Variants in ACOT7 observed in about 807,000 individuals in gnomAD.
ACOT7 encodes acyl-CoA thioesterase 7, also known as cytosolic acyl coenzyme A thioester hydrolase.
A neutral mutation model predicts 40.2 loss-of-function variants in ACOT7; 12 were observed. The observed-to-expected ratio is 0.30, with a 90% CI of 0.19 to 0.48. The LOEUF (loss-of-function observed/expected upper bound fraction) is 0.48, where lower values mean the gene tolerates loss of function less well. Among genes scored for constraint, ACOT7 ranks in the 20% least tolerant of loss-of-function variants. The pLI is 0.99. For missense variants in ACOT7, 395 were observed against 530.8 expected (o/e 0.74, Z 2.51); for synonymous variants, 228 against 219.5 (o/e 1.04, Z -0.34).
chr1:6,358,859 T>C lies in ACOT7; in HGVS notation c.144-8993A>G. The stretch of plus-strand genomic sequence containing the variant: ...CTGGAAAGCCATGGTGGCTAGGACA[T>C]CCCAGGATCAGATGCAGAGAAAGGC... On this transcript the variant is annotated intron_variant, in intron 1 of 8. Transcript: ENST00000361521. This position sits in a 1 kb window ranked among gnomAD's most constrained non-coding sequence, Gnocchi z 4.1. 1 of 1,613,672 alleles carries C rather than the reference T, an allele frequency of 6.2e-7. No homozygotes were observed.
intron 1 of ACOT7, among the ~76,000 whole-genome samples, chr1:6,362,988 TAATAA>T (rs1641923303): frequency 6.6e-6 from 1 of 152,146 alleles, no homozygotes; most frequent in South Asian, 2.1e-4. Flanking sequence ...TTTTCCAGTA[TAATAA>T]AATATATAAA....
At position 6,306,055 on chromosome 1, in the gene ACOT7, GGC is replaced by G; in HGVS notation, c.713-11077_713-11076del. 6.6e-6 allele frequency among the ~76,000 whole-genome samples: 1 copy of G among 152,130 alleles called. No homozygotes were observed. The highest frequency in any genetic ancestry group is 1.5e-5 in the Non-Finnish European group (1 of 67,974). On this transcript the variant is annotated intron_variant, in intron 6 of 8. Transcript: ENST00000361521. The surrounding 1 kb of genome is among the most constrained non-coding windows in gnomAD (Gnocchi z 4.3). ...AATACGAAAACCAGTCAGGCGTGGCGGCGCGCGCCTGCAATCGCAGGCACTCG... is the reference window on the plus strand; with the variant it reads ...AATACGAAAACCAGTCAGGCGTGGCGGCGCGCCTGCAATCGCAGGCACTCG...
At chr1:6,360,733 T>A (rs2148466245) in intron 1 of ACOT7, 2 of 1,602,376 alleles carry the variant, frequency 1.2e-6, no homozygotes, top group South Asian at 2.2e-5. Flanking sequence ...GCCCCAATAC[T>A]GTGCCCTTTG....
At chr1:6,273,409 A>T (rs1639091993) in intron 8 of ACOT7, among the ~76,000 whole-genome samples, 1 of 152,200 alleles carries the variant, frequency 6.6e-6, no homozygotes, top group African/African-American at 2.4e-5. Flanking sequence ...CAGCTTCAGG[A>T]TGCAGGTATT....
At chr1:6,349,614 A>T in intron 2 of ACOT7, 135 bp downstream of exon 2, 1 of 874,356 alleles carries the variant, frequency 1.1e-6, no homozygotes, top group Non-Finnish European at 1.8e-6. Context: ...TACTTGGGCC[A>T]CTTCTCCCAC....
Position 6,347,377 on chromosome 1 carries a change from C to A in ACOT7, c.261+2372G>T, listed in dbSNP as rs115271421. Among the ~76,000 whole-genome samples, 837 of 152,304 alleles carry A rather than the reference C, an allele frequency of 5.5e-3. 7 individuals carry two copies. The highest frequency in any genetic ancestry group is 0.019 in the African/African-American group (805 of 41,568). On this transcript the variant is annotated intron_variant, in intron 2 of 8. Transcript: ENST00000361521. ...GCACAGGTTCGAGGTATAGTCACAG[C>A]CCAGACCTACCATCTGCCTCCCCAG...
chr1:6,376,756 CGTG>C (rs1642240884), intron 1 of ACOT7, among the ~76,000 whole-genome samples: 2 of 149,100 alleles, frequency 1.3e-5, no homozygotes, highest in African/African-American at 4.9e-5. Flanking sequence ...ATTAGCTGGG[CGTG>C]GTGGTGGGCA....
intron 2 of ACOT7, among the ~76,000 whole-genome samples, chr1:6,341,274 T>G (rs74317974): frequency 6.6e-6 from 1 of 151,586 alleles, no homozygotes; most frequent in Non-Finnish European, 1.5e-5. Flanking sequence ...CCTGAGTAGC[T>G]GGGATTACAG....
At chr1:6,273,495 T>C (rs1214779736) in intron 8 of ACOT7, among the ~76,000 whole-genome samples, 7 of 152,104 alleles carry the variant, frequency 4.6e-5, no homozygotes, top group African/African-American at 4.8e-5. Context: ...CTGAGCCTCA[T>C]GAATATTCCA....
In ACOT7 at chr1:6,358,926, G is replaced by A; in HGVS notation, c.144-9060C>T. 14 of 1,577,534 alleles carry A rather than the reference G, an allele frequency of 8.9e-6. No homozygotes were observed. The highest frequency in any genetic ancestry group is 1.2e-5 in the South Asian group (1 of 86,186). On this transcript the variant is annotated intron_variant, in intron 1 of 8. Transcript: ENST00000361521. This position sits in a 1 kb window ranked among gnomAD's most constrained non-coding sequence, Gnocchi z 4.1. ...ATCACAGAGTCCTTGCCTGACCCAG[G>A]ACTGTCCCAGCTCCCTGCCACACCG...
At chr1:6,383,539 G>GTTTTT (rs201588214) in intron 1 of ACOT7, among the ~76,000 whole-genome samples, 1,905 of 143,260 alleles carry the variant, frequency 0.013, 46 homozygotes, top group African/African-American at 0.033. Context: ...TTTTAACACA[G>GTTTTT]TTTTTTTTTT....
At chr1:6,340,868 T>TC (rs1421962558) in intron 2 of ACOT7, among the ~76,000 whole-genome samples, 1 of 151,986 alleles carries the variant, frequency 6.6e-6, no homozygotes, top group East Asian at 2.0e-4. Context: ...AAACTCCATC[T>TC]CTACTAAAAA....
At chr1:6,316,963 GGTAGAAATATAAAT>G (rs1640513735) in intron 6 of ACOT7, among the ~76,000 whole-genome samples, 1 of 152,170 alleles carries the variant, frequency 6.6e-6, no homozygotes, top group Admixed American at 6.5e-5. Context: ...AGGTGTCCCT[GGTAGAAATATAAAT>G]GTAAGCCAGC....
chr1:6,299,046 T>C lies in ACOT7; in HGVS notation c.713-4066A>G, dbSNP rs1639890650. Among the ~76,000 whole-genome samples the C allele has an allele frequency of 1.3e-5, 2 of 152,208 alleles. No individual in the cohort carries two copies. The highest frequency in any genetic ancestry group is 4.8e-5 in the African/African-American group (2 of 41,450). On this transcript the variant is annotated intron_variant, in intron 6 of 8. Transcript: ENST00000361521. This position sits in a 1 kb window ranked among gnomAD's most constrained non-coding sequence, Gnocchi z 4.1. Reference sequence around the variant, plus strand: ...ATGCCTGGAGGGGCTTGAGTCCCTCTGTCCCCGTCTAGAGTGTGAGAGTCA... The same window carrying C: ...ATGCCTGGAGGGGCTTGAGTCCCTCCGTCCCCGTCTAGAGTGTGAGAGTCA...
chr1:6,366,867 T>C (rs1017584309), intron 1 of ACOT7, among the ~76,000 whole-genome samples: 5 of 152,168 alleles, frequency 3.3e-5, no homozygotes, highest in Middle Eastern at 3.4e-3. Context: ...TCAGCCAAGA[T>C]GGTCTCGATC....
At chr1:6,388,426 T>A (rs1642475915) in intron 1 of ACOT7, among the ~76,000 whole-genome samples, 1 of 151,458 alleles carries the variant, frequency 6.6e-6, no homozygotes. Context: ...TTCTTTTCAT[T>A]AATTCCATTA....
chr1:6,271,507 C>T (rs559940913), intron 8 of ACOT7, among the ~76,000 whole-genome samples: 19 of 152,288 alleles, frequency 1.2e-4, no homozygotes, highest in Admixed American at 9.2e-4. Flanking sequence ...ATGGAGAAGC[C>T]AGCAATGATG....
intron 1 of ACOT7, among the ~76,000 whole-genome samples, chr1:6,351,977 C>T (rs3789474): frequency 0.081 from 12,386 of 152,266 alleles, 854 homozygotes; most frequent in African/African-American, 0.18. Flanking sequence ...GCACTTGGCG[C>T]TGTGCCATCA....
intron 7 of ACOT7, among the ~76,000 whole-genome samples, chr1:6,283,765 G>A (rs10489535): frequency 0.075 from 11,437 of 152,284 alleles, 655 homozygotes; most frequent in African/African-American, 0.16. Context: ...ACCCTTCAGA[G>A]AGCAACATCA....
Sources: allele counts gnomAD v4.1 joint callset (sites outside exome capture counted in the v4.1 genomes callset), GRCh38; gene constraint gnomAD v4.1.1; non-coding constraint Gnocchi (gnomAD v3.1); transcripts MANE v1.5; gene names NCBI Gene and HGNC (gene_info 2026-07-23, HGNC 2026-07-21).